Variants in DGLUCY observed in about 807,000 individuals in gnomAD.
DGLUCY encodes D-glutamate cyclase.
Under a neutral mutation model 58.5 loss-of-function variants are expected in DGLUCY, and 58 were observed. That is an observed-to-expected ratio of 0.99 (90% CI 0.80 to 1.23). The LOEUF is 1.23. Among genes scored for constraint, DGLUCY ranks in the 50% most tolerant of loss-of-function variants. DGLUCY has a pLI of 0.00. For synonymous variants in DGLUCY, 325 were observed against 314.1 expected (o/e 1.03, Z -0.37); for missense variants, 779 against 784.7 (o/e 0.99, Z 0.09).
At chr14:91,110,831 G>T (rs892455423), upstream of DGLUCY, among the ~76,000 whole-genome samples, 5 of 152,130 alleles carry the variant, frequency 3.3e-5, no homozygotes, top group Non-Finnish European at 5.9e-5. Context: ...GTGGCATTAA[G>T]TACATTCACA....
intron 1 of DGLUCY, among the ~76,000 whole-genome samples, chr14:91,139,218 C>T (rs2046512829): frequency 6.6e-6 from 1 of 152,162 alleles, no homozygotes; most frequent in Non-Finnish European, 1.5e-5. Context: ...GGAAAAGGCC[C>T]AGCTCAGTCA....
rs554545792 is a variant in DGLUCY at position 91,204,589 on chromosome 14, C to T, written c.1445-117C>T. 308 of 1,375,960 alleles carry T rather than the reference C, an allele frequency of 2.2e-4. 1 individual carries two copies. The African/African-American group carries it at 3.8e-3, about 17-fold the overall frequency. The allele number at this position is 1,375,960 out of a possible 1,614,324, so 85.2% of individuals were successfully genotyped here. Reference sequence around the variant, plus strand: ...AACTCCTGGTTGTCTGAAAATATATCCAGAGCCAACCTTTTTGCCCTCCCA... The same window carrying T: ...AACTCCTGGTTGTCTGAAAATATATTCAGAGCCAACCTTTTTGCCCTCCCA... On this transcript the variant is annotated intron_variant, in intron 11 of 13. Coordinates refer to ENST00000256324, the MANE Select transcript of DGLUCY (RefSeq NM_001102368.3).
At chr14:91,175,846 G>A (rs2140426855) in intron 6 of DGLUCY, 88 bp from the exon 7 acceptor site, 1 of 1,476,752 alleles carries the variant, frequency 6.8e-7, no homozygotes, top group Non-Finnish European at 9.3e-7. Context: ...TTGAGTTTCT[G>A]TTTTAGAGAA....
intron 7 of DGLUCY, among the ~76,000 whole-genome samples, chr14:91,178,967 C>T (rs142179260): frequency 0.022 from 3,376 of 152,128 alleles, 57 homozygotes; most frequent in Non-Finnish European, 0.032. Flanking sequence ...GAGGTTGCAG[C>T]GAGCTGAGAT....
chr14:91,189,235 A>G, intron 9 of DGLUCY, 65 bp downstream of exon 9: 1 of 1,587,844 alleles, frequency 6.3e-7, no homozygotes, highest in Non-Finnish European at 8.6e-7. Flanking sequence ...GCTGGAGGGA[A>G]TCAGCATCTG....
At chr14:91,198,446 G>A (rs114478849) in intron 10 of DGLUCY, among the ~76,000 whole-genome samples, 11,664 of 150,796 alleles carry the variant, frequency 0.077, 512 homozygotes, top group South Asian at 0.13. Flanking sequence ...CTGGGCCCAG[G>A]CGATTCTCCC....
At chr14:91,108,200 A>C (rs1206193837) in intron 1 of DGLUCY, 2 of 152,346 alleles carry the variant, frequency 1.3e-5, no homozygotes, top group African/African-American at 4.8e-5. Context: ...AGGAAGCAAT[A>C]GGGCCAGGTG....
chr14:91,202,684 C>T (rs2050645766), intron 11 of DGLUCY, among the ~76,000 whole-genome samples: 1 of 152,152 alleles, frequency 6.6e-6, no homozygotes, highest in Non-Finnish European at 1.5e-5. Flanking sequence ...TCTGTGGCTA[C>T]AGGGGCAAAC....
intron 1 of DGLUCY, among the ~76,000 whole-genome samples, chr14:91,073,973 T>A (rs1459020879): frequency 6.6e-6 from 1 of 151,238 alleles, no homozygotes. Flanking sequence ...AATTTAAAAA[T>A]TGCCTGGCAC....
At chr14:91,129,170 G>A (rs1015325337) in intron 1 of DGLUCY, among the ~76,000 whole-genome samples, 1 of 152,022 alleles carries the variant, frequency 6.6e-6, no homozygotes, top group East Asian at 1.9e-4. Flanking sequence ...TAAAAATTGT[G>A]AAATCTATAT....
chr14:91,188,977 T>C lies in DGLUCY; in HGVS notation c.1002T>C (p.His334=), dbSNP rs866589796. ...TGAAGGCCTCTCTCTCGCTGTCCCA[T>C]GCCCGCTCAGTGCTCATCACCACTG... The part of the protein sequence containing the change: ...ELLKASLSLS[H]ARSVLITTGF... The change falls in exon 9 of 14, where the codon CAT becomes CAC. Residue 334 remains histidine (H), a synonymous_variant. Transcript: ENST00000256324. 23 of 1,614,244 alleles carry C rather than the reference T, an allele frequency of 1.4e-5. 1 individual carries two copies. In the Middle Eastern group the frequency reaches 2.8e-3, roughly 197 times the overall value.
chr14:91,221,154 C>T (rs1402343810), intron 13 of DGLUCY, among the ~76,000 whole-genome samples: 1 of 152,172 alleles, frequency 6.6e-6, no homozygotes. Flanking sequence ...CCCATGGTGA[C>T]ATGGATGTGG....
intron 1 of DGLUCY, among the ~76,000 whole-genome samples, chr14:91,094,681 G>A (rs1056061386): frequency 6.6e-6 from 1 of 151,724 alleles, no homozygotes; most frequent in Non-Finnish European, 1.5e-5. Context: ...AAATTAGCTG[G>A]GTGTGGTGAT....
chr14:91,134,173 G>A (rs980171682), intron 1 of DGLUCY, among the ~76,000 whole-genome samples: 1 of 152,150 alleles, frequency 6.6e-6, no homozygotes, highest in African/African-American at 2.4e-5. Context: ...TTTGGAATCA[G>A]CGTGTTCAGT....
intron 13 of DGLUCY, among the ~76,000 whole-genome samples, chr14:91,218,361 T>C (rs1411713715): frequency 6.6e-6 from 1 of 151,680 alleles, no homozygotes; most frequent in African/African-American, 2.4e-5. Context: ...CCTTCATAAA[T>C]CAATTAATAA....
intron 6 of DGLUCY, 156 bp downstream of exon 6, chr14:91,173,595 T>A (rs2048696011): frequency 9.0e-7 from 1 of 1,108,814 alleles, no homozygotes; most frequent in African/African-American, 1.6e-5. Context: ...CTCTTGGAGT[T>A]GGGCCTAAGA....
At chr14:91,074,356 A>G (rs1034692393) in intron 1 of DGLUCY, among the ~76,000 whole-genome samples, 4 of 149,934 alleles carry the variant, frequency 2.7e-5, no homozygotes, top group African/African-American at 9.8e-5. Context: ...GCATGTACCT[A>G]TAGTCCTAGC....
At chr14:91,153,800 A>G (rs767049801) in intron 1 of DGLUCY, among the ~76,000 whole-genome samples, 3 of 152,164 alleles carry the variant, frequency 2.0e-5, no homozygotes, top group Non-Finnish European at 4.4e-5. Flanking sequence ...ATCAACTTAG[A>G]AAGTTTATTT....
chr14:91,199,669 C>T, intron 10 of DGLUCY, 88 bp from the exon 11 acceptor site: 1 of 1,455,724 alleles, frequency 6.9e-7, no homozygotes, highest in East Asian at 2.3e-5. Context: ...AAAGAAGCGT[C>T]TTTCGCGCAA....
Sources: allele counts gnomAD v4.1 joint callset (sites outside exome capture counted in the v4.1 genomes callset), GRCh38; gene constraint gnomAD v4.1.1; transcripts MANE v1.5; gene names NCBI Gene and HGNC (gene_info 2026-07-23, HGNC 2026-07-21).